The following MED27 variants were observed in gnomAD, a reference collection of about 807,000 sequenced individuals.
MED27 encodes mediator of RNA polymerase II transcription subunit 27.
In MED27, 30 loss-of-function variants were observed where a neutral mutation model predicts 38.2. That is an observed-to-expected ratio of 0.79 (90% CI 0.59 to 1.07). The LOEUF (loss-of-function observed/expected upper bound fraction) is 1.07. Among genes scored for constraint, MED27 ranks in the 50% least tolerant of loss-of-function variants. The pLI is 0.00. For synonymous variants in MED27, 122 were observed against 153.5 expected (o/e 0.79, Z 1.52); for missense variants, 289 against 397.5 (o/e 0.73, Z 2.32).
rs1831772566 is a variant in MED27, at chr9:131,982,960, G to T, written c.479+31377C>A. On this transcript the variant is annotated intron_variant, in intron 3 of 7. Coordinates refer to ENST00000292035, the MANE Select transcript of MED27 (RefSeq NM_004269.4). The surrounding 1 kb of genome is among the most constrained non-coding windows in gnomAD (Gnocchi z 4.3). ...AACTGTAATGATATTCACCACCTGA[G>T]GATTTTGTTAAAATGTAGATTCGCA... is the stretch of plus-strand genomic sequence containing the variant. Among the ~76,000 whole-genome samples, 1 of 152,168 alleles carries T rather than the reference G, an allele frequency of 6.6e-6. No homozygotes were observed. The highest frequency in any genetic ancestry group is 1.5e-5 in the Non-Finnish European group (1 of 68,014).
At chr9:131,926,814 C>T (rs529469652) in intron 4 of MED27, among the ~76,000 whole-genome samples, 43 of 152,264 alleles carry the variant, frequency 2.8e-4, no homozygotes, top group African/African-American at 9.1e-4. Context: ...GTTAAAATGT[C>T]GATTTAGAAA....
intron 6 of MED27, among the ~76,000 whole-genome samples, chr9:131,864,171 C>T (rs968546616): frequency 2.0e-5 from 3 of 152,248 alleles, no homozygotes; most frequent in African/African-American, 4.8e-5. Flanking sequence ...TTCTTGACAT[C>T]GCACATGTCA....
Position 131,883,737 on chromosome 9 carries a change from C to T in MED27, c.723+321G>A, listed in dbSNP as rs1339555481. Among the ~76,000 whole-genome samples the T allele has an allele frequency of 3.9e-5, 6 of 152,160 alleles. No homozygotes were observed. Among genetic ancestry groups the T allele is most frequent in the Non-Finnish European group, 7.3e-5 (5 of 68,034 alleles). ...GACTGCCCCTTTGTAGTAATATAGT[C>T]CTGAGTTTTGACAAACATGTACGGC... On this transcript the variant is annotated intron_variant, in intron 6 of 7. Coordinates refer to ENST00000292035, the MANE Select transcript of MED27 (RefSeq NM_004269.4). The surrounding 1 kb of genome is among the most constrained non-coding windows in gnomAD (Gnocchi z 4.2).
intron 3 of MED27, among the ~76,000 whole-genome samples, chr9:131,999,624 G>A (rs1367629012): frequency 6.6e-6 from 1 of 152,076 alleles, no homozygotes; most frequent in East Asian, 1.9e-4. Context: ...TTTATTTACT[G>A]AATTGCAAAA....
intron 2 of MED27, among the ~76,000 whole-genome samples, chr9:132,071,314 G>A (rs13301049): frequency 0.17 from 26,112 of 151,388 alleles, 2,884 homozygotes; most frequent in Middle Eastern, 0.28. Flanking sequence ...GCACACACAC[G>A]AGAAACAGGC....
chr9:132,005,190 T>C (rs954763979), intron 3 of MED27, among the ~76,000 whole-genome samples: 5 of 152,088 alleles, frequency 3.3e-5, no homozygotes, highest in Non-Finnish European at 7.4e-5. Flanking sequence ...ACGCCTCAGA[T>C]GAGAAACTCT....
intron 3 of MED27, among the ~76,000 whole-genome samples, chr9:132,008,179 C>T (rs903559294): frequency 6.6e-6 from 1 of 152,162 alleles, no homozygotes; most frequent in Admixed American, 6.5e-5. Context: ...CACAAAAGCA[C>T]ACAACACTGC....
chr9:132,034,878 T>G (rs1833041514), intron 2 of MED27, among the ~76,000 whole-genome samples: 2 of 152,208 alleles, frequency 1.3e-5, no homozygotes, highest in African/African-American at 4.8e-5. Context: ...GTGCTGAGAC[T>G]TCAACTCTTA....
intron 4 of MED27, among the ~76,000 whole-genome samples, chr9:131,901,239 G>A (rs1006139310): frequency 2.6e-5 from 4 of 152,216 alleles, no homozygotes; most frequent in Admixed American, 1.3e-4. Context: ...AGAAAGAACA[G>A]GCTAAGGTAA....
chr9:132,059,656 C>T (rs1833657474), intron 2 of MED27, among the ~76,000 whole-genome samples: 1 of 152,214 alleles, frequency 6.6e-6, no homozygotes, highest in Admixed American at 6.5e-5. Flanking sequence ...TCAACACCCA[C>T]AGCCATTTGT....
At chr9:131,908,478 G>GT (rs756978702) in intron 4 of MED27, among the ~76,000 whole-genome samples, 5 of 152,204 alleles carry the variant, frequency 3.3e-5, no homozygotes, top group Non-Finnish European at 7.4e-5. Context: ...GATGGGTGCC[G>GT]TGTCTGTGTA....
intron 2 of MED27, among the ~76,000 whole-genome samples, chr9:132,031,227 A>G (rs1159820166): frequency 1.3e-5 from 2 of 152,210 alleles, no homozygotes; most frequent in African/African-American, 4.8e-5. Flanking sequence ...GACAGCTGAA[A>G]ACAGGTGGAT....
At chr9:131,947,356 G>A (rs537236747) in intron 3 of MED27, among the ~76,000 whole-genome samples, 2 of 152,186 alleles carry the variant, frequency 1.3e-5, no homozygotes, top group Non-Finnish European at 2.9e-5. Flanking sequence ...ATGTGTTTTA[G>A]TAGAAGCTCA....
At chr9:132,055,560 T>C (rs137964511) in intron 2 of MED27, among the ~76,000 whole-genome samples, 1 of 152,326 alleles carries the variant, frequency 6.6e-6, no homozygotes, top group East Asian at 1.9e-4. Context: ...GATTTAGATG[T>C]GGGTCAACTC....
At chr9:132,043,554 T>G (rs1403720839) in intron 2 of MED27, among the ~76,000 whole-genome samples, 1 of 152,096 alleles carries the variant, frequency 6.6e-6, no homozygotes. Flanking sequence ...TAAAATCTTT[T>G]GTAATTTAAA....
chr9:132,047,062 G>GTATATATATACACACACAA (rs1554768153), intron 2 of MED27, among the ~76,000 whole-genome samples: 1 of 152,072 alleles, frequency 6.6e-6, no homozygotes, highest in African/African-American at 2.4e-5. Context: ...TGGTGTGTGT[G>GTATATATATACACACACAA]TATATATATA....
intron 4 of MED27, among the ~76,000 whole-genome samples, chr9:131,937,244 G>A (rs1226807400): frequency 6.6e-6 from 1 of 152,144 alleles, no homozygotes; most frequent in Admixed American, 6.5e-5. Flanking sequence ...TATGTTAAAA[G>A]TATGATTAAC....
chr9:132,061,490 G>A (rs188267055), intron 2 of MED27, among the ~76,000 whole-genome samples: 97 of 152,324 alleles, frequency 6.4e-4, no homozygotes, highest in African/African-American at 2.3e-3. Flanking sequence ...AGCTTGAATG[G>A]TCTATAATAA....
chr9:131,969,981 G>T (rs530244487), intron 3 of MED27, among the ~76,000 whole-genome samples: 1 of 152,152 alleles, frequency 6.6e-6, no homozygotes, highest in African/African-American at 2.4e-5. Flanking sequence ...GGGGGTGGGG[G>T]CATAGGAGGG....
Sources: allele counts gnomAD v4.1 joint callset (sites outside exome capture counted in the v4.1 genomes callset), GRCh38; gene constraint gnomAD v4.1.1; non-coding constraint Gnocchi (gnomAD v3.1); transcripts MANE v1.5; gene names NCBI Gene and HGNC (gene_info 2026-07-23, HGNC 2026-07-21).